Variants in PDK2 observed in about 807,000 individuals in gnomAD.
The protein encoded by PDK2 is pyruvate dehydrogenase kinase, isozyme 2.
Under a neutral mutation model 50.4 loss-of-function variants are expected in PDK2, and 34 were observed. The observed-to-expected ratio is 0.68, with a 90% CI of 0.51 to 0.90. PDK2 has a LOEUF of 0.90. Among genes scored for constraint, PDK2 ranks in the 40% least tolerant of loss-of-function variants. PDK2 has a pLI of 0.00. For synonymous variants in PDK2, 232 were observed against 216.0 expected (o/e 1.07, Z -0.65); for missense variants, 377 against 544.5 (o/e 0.69, Z 3.06).
At chr17:50,098,006 T>C (rs1471655354) in intron 2 of PDK2, among the ~76,000 whole-genome samples, 1 of 152,116 alleles carries the variant, frequency 6.6e-6, no homozygotes, top group Non-Finnish European at 1.5e-5. Context: ...ACAGACTGTT[T>C]TGGATGTTGG....
Position 50,105,398 on chromosome 17 carries a change from G to A in PDK2, c.288G>A (p.Met96Ile). 6.2e-7 allele frequency: 1 copy of A among 1,613,758 alleles called. No individual in the cohort carries two copies. The highest frequency in any genetic ancestry group is 8.5e-7 in the Non-Finnish European group (1 of 1,179,910). Residue 96 changes from methionine to isoleucine, a missense_variant, in exon 3 of 11, where the codon ATG (methionine) becomes ATA (isoleucine). This residue lies in a region of PDK2 where 63 missense variants were observed against 135.1 expected (regional missense o/e 0.47). Transcript: ENST00000503176. ...ATGTCCAGAGCCTCCTGGACATCAT[G>A]GAGTTCCTGGACAAGGATCCCGAGG... is the stretch of plus-strand genomic sequence containing the variant. ...SWYVQSLLDI[M>I]EFLDKDPEDH... is the part of the protein sequence containing the mutation.
rs140445730 is a variant in PDK2, at chr17:50,105,406, T to A, written c.296T>A (p.Leu99Gln). The A allele has an allele frequency of 1.2e-6, 2 of 1,613,688 alleles. No individual in the cohort carries two copies. The highest frequency in any genetic ancestry group is 3.3e-5 in the Admixed American group (2 of 59,962). ...VQSLLDIMEF[L>Q]DKDPEDHRTL... ...AGCCTCCTGGACATCATGGAGTTCC[T>A]GGACAAGGATCCCGAGGACCATCGC... The change falls in exon 3 of 11, where the codon CTG becomes CAG. Residue 99 changes from leucine to glutamine, a missense_variant. Transcript: ENST00000503176.
intron 1 of PDK2, chr17:50,095,786 TG>T (rs1461534399): frequency 4.5e-5 from 61 of 1,368,464 alleles, no homozygotes; most frequent in Non-Finnish European, 5.5e-5. Flanking sequence ...GGTTTCTTCG[TG>T]GGCCTCATGA....
Position 50,105,429 on chromosome 17 carries a change from C to T in PDK2, c.319C>T (p.Arg107Cys), listed in dbSNP as rs771488396. 2.2e-5 allele frequency: 36 copies of T among 1,613,660 alleles called. No homozygotes were observed. Among genetic ancestry groups the T allele is most frequent in the South Asian group, 2.2e-4 (20 of 91,056 alleles). ...CCTGGACAAGGATCCCGAGGACCAT[C>T]GCACCCTGAGCCAGTGAGTGGGGGC... Reference protein sequence around the residue: ...EFLDKDPEDHRTLSQFTDALV... With the variant: ...EFLDKDPEDHCTLSQFTDALV... Residue 107 changes from arginine (R) to cysteine (C), a missense_variant, in exon 3 of 11, where the codon CGC becomes TGC. Arg to Cys is a radical substitution (Grantham distance 180, BLOSUM62 -3). Around this residue, in one of 3 missense-constraint regions of PDK2, gnomAD observed 63 missense variants for 135.1 expected, o/e 0.47. Transcript: ENST00000503176.
At chr17:50,103,665 G>T (rs1344159861) in intron 2 of PDK2, among the ~76,000 whole-genome samples, 1 of 152,188 alleles carries the variant, frequency 6.6e-6, no homozygotes. Context: ...TCCAGAGCTG[G>T]TTCTTTCACT....
intron 1 of PDK2, among the ~76,000 whole-genome samples, chr17:50,096,553 G>A (rs557982390): frequency 2.0e-5 from 3 of 152,248 alleles, no homozygotes; most frequent in African/African-American, 7.2e-5. Flanking sequence ...GGACTTGTCT[G>A]CCTGCACCCC....
chr17:50,095,523 C>T lies in PDK2; in HGVS notation c.88C>T (p.Pro30Ser), dbSNP rs1909886722. Residue 30 changes from proline (P) to serine (S), a missense_variant, in exon 1 of 11, where the codon CCG (proline) becomes TCG (serine). Pro to Ser is a moderately conservative substitution (Grantham distance 74, BLOSUM62 -1). Transcript: ENST00000503176. ...GCACTTCAGCAAGTTCTCCCCGTCC[C>T]CGCTGTCCATGAAGCAGTTTCTGGA... is the stretch of plus-strand genomic sequence containing the variant. ...IEHFSKFSPS[P>S]LSMKQFLDFG... 6.2e-7 allele frequency: 1 copy of T among 1,607,384 alleles called. No individual in the cohort carries two copies. The highest frequency in any genetic ancestry group is 8.5e-7 in the Non-Finnish European group (1 of 1,177,080).
intron 2 of PDK2, among the ~76,000 whole-genome samples, chr17:50,099,697 G>C (rs1217746920): frequency 6.6e-6 from 1 of 152,268 alleles, no homozygotes; most frequent in Non-Finnish European, 1.5e-5. Flanking sequence ...GGAGGCTGAG[G>C]CAGGAGAATG....
intron 9 of PDK2, 46 bp downstream of exon 9, chr17:50,108,765 T>TCA: frequency 1.0e-6 from 1 of 1,001,636 alleles, no homozygotes; most frequent in Non-Finnish European, 1.4e-6. Flanking sequence ...GAGGGAGGCT[T>TCA]CTCTCCTCAC....
intron 2 of PDK2, among the ~76,000 whole-genome samples, chr17:50,102,941 C>G (rs905585034): frequency 3.3e-5 from 5 of 152,232 alleles, no homozygotes; most frequent in African/African-American, 1.2e-4. Flanking sequence ...TGAATCCCAA[C>G]CTGCTGCTTA....
In PDK2 at chr17:50,110,025, C is replaced by T; in HGVS notation, c.1152C>T (p.Thr384=). 1.2e-6 allele frequency: 2 copies of T among 1,608,714 alleles called. No individual in the cohort carries two copies. Among genetic ancestry groups the T allele is most frequent in the Non-Finnish European group, 1.7e-6 (2 of 1,177,888 alleles). ...YNKSAWRHYQ[T]IQEAGDWCVP... is the part of the protein sequence containing the mutation. Reference sequence around the variant, plus strand: ...AGTCAGCCTGGCGCCACTACCAGACCATCCAGGAGGCCGGCGACTGGTGTG... The same window carrying T: ...AGTCAGCCTGGCGCCACTACCAGACTATCCAGGAGGCCGGCGACTGGTGTG... The change falls in exon 11 of 11, where the codon ACC becomes ACT. Residue 384 remains threonine, a synonymous_variant. Coordinates refer to ENST00000503176, the MANE Select transcript of PDK2 (RefSeq NM_002611.5).
Position 50,110,280 on chromosome 17 carries a change from G to A in PDK2, c.*183G>A. 5 of 558,350 alleles carry A rather than the reference G, an allele frequency of 9.0e-6. No individual in the cohort carries two copies. Among genetic ancestry groups the A allele is most frequent in the East Asian group, 3.3e-5 (1 of 30,070 alleles). The allele number at this position is 558,350 out of a possible 1,614,324, so 34.6% of individuals were successfully genotyped here. Reference sequence around the variant, plus strand: ...GGTCCCTAAGTGCCAGTCCATCTCTGTGGAGACCCCTCGGTGGCCTCCCTA... The same window carrying A: ...GGTCCCTAAGTGCCAGTCCATCTCTATGGAGACCCCTCGGTGGCCTCCCTA... On this transcript the variant is annotated 3_prime_UTR_variant, in exon 11 of 11. Transcript: ENST00000503176.
rs370604961 is a variant in PDK2 at position 50,108,250 on chromosome 17, C to T, written c.762+18C>T. ...TCTTCAAGGTGAGGAGGCTGGGAGC[C>T]GGTGCTTTGCGGGGAGCGTGAGTAG... On this transcript the variant is annotated intron_variant, in intron 7 of 10. Coordinates refer to ENST00000503176, the MANE Select transcript of PDK2 (RefSeq NM_002611.5). 53 of 1,601,314 alleles carry T rather than the reference C, an allele frequency of 3.3e-5. No homozygotes were observed. Among genetic ancestry groups the T allele is most frequent in the South Asian group, 4.5e-5 (4 of 89,342 alleles).
In PDK2 at chr17:50,110,386, CCT is replaced by C. The variant is rs1910768824; in HGVS notation, c.*294_*295del. The stretch of plus-strand genomic sequence containing the variant: ...AGAGACATTTTCCCATGGCAGTCCT[CCT>C]CTCTGAGACCAGGGCTGTCACTTTT... On this transcript the variant is annotated 3_prime_UTR_variant, in exon 11 of 11. Coordinates refer to ENST00000503176, the MANE Select transcript of PDK2 (RefSeq NM_002611.5). 1 of 277,522 alleles carries C rather than the reference CCT, an allele frequency of 3.6e-6. No individual in the cohort carries two copies. Among genetic ancestry groups the C allele is most frequent in the African/African-American group, 2.2e-5 (1 of 46,130 alleles). 17.2% of individuals were successfully genotyped at this position (277,522 alleles called of 1,614,324 possible). A position where few individuals can be genotyped will look rare whatever the true frequency, so the allele number is the denominator to read the frequency against.
chr17:50,109,203 C>G lies in PDK2; in HGVS notation c.970-84C>G, dbSNP rs1910688165. On this transcript the variant is annotated intron_variant, in intron 9 of 10. Transcript: ENST00000503176. This position sits in a 1 kb window ranked among gnomAD's most constrained non-coding sequence, Gnocchi z 5.0. ...CTGCCATGTGACCCCAGCTCCACAC[C>G]CTTCCCTCCCTGCATCAGTCCCTGC... 2 of 801,702 alleles carry G rather than the reference C, an allele frequency of 2.5e-6. No homozygotes were observed. Among genetic ancestry groups the G allele is most frequent in the Non-Finnish European group, 4.1e-6 (2 of 488,358 alleles). The allele number at this position is 801,702 out of a possible 1,614,324, so 49.7% of individuals were successfully genotyped here.
At chr17:50,104,144 C>G (rs1019471323) in intron 2 of PDK2, among the ~76,000 whole-genome samples, 2 of 152,304 alleles carry the variant, frequency 1.3e-5, no homozygotes, top group Middle Eastern at 3.4e-3. Context: ...GGAAACAGGT[C>G]ATGGCTCCCC....
chr17:50,107,442 A>C (rs972004066), intron 6 of PDK2, among the ~76,000 whole-genome samples: 1 of 152,128 alleles, frequency 6.6e-6, no homozygotes, highest in Non-Finnish European at 1.5e-5. Context: ...TTAGCCGGGC[A>C]TGATGGCACA....
At chr17:50,099,985 G>A (rs1394949197) in intron 2 of PDK2, among the ~76,000 whole-genome samples, 1 of 152,242 alleles carries the variant, frequency 6.6e-6, no homozygotes. Context: ...CTGTAAGAGA[G>A]TGGAGACCTC....
At chr17:50,108,274 A>G in intron 7 of PDK2, 42 bp downstream of exon 7, 1 of 1,606,768 alleles carries the variant, frequency 6.2e-7, no homozygotes, top group Non-Finnish European at 8.5e-7. Flanking sequence ...GAGCGTGAGT[A>G]GGGCTGGCTT....
Sources: gnomAD v4.1 joint callset for allele counts (sites outside exome capture counted in the v4.1 genomes callset) on GRCh38, gnomAD v4.1.1 for gene constraint, gnomAD v4.1.1 regional missense constraint, Gnocchi (gnomAD v3.1) non-coding constraint, MANE v1.5 for transcripts, NCBI Gene and HGNC (gene_info 2026-07-23, HGNC 2026-07-21) for gene names.